The following MBOAT7 variants were observed in gnomAD, a reference collection of about 807,000 sequenced individuals.
MBOAT7 encodes the protein membrane-bound acylglycerophosphatidylinositol O-acyltransferase MBOAT7.
A neutral mutation model predicts 47.4 loss-of-function variants in MBOAT7; 40 were observed. That is an observed-to-expected ratio of 0.84 (90% confidence interval 0.66 to 1.10). MBOAT7 has a LOEUF of 1.10. Among genes scored for constraint, MBOAT7 ranks in the 50% least tolerant of loss-of-function variants. MBOAT7 has a pLI of 0.00. For synonymous variants in MBOAT7, 361 were observed against 292.0 expected, an observed-to-expected ratio of 1.24 and a Z score of -2.41; for missense variants, 680 against 655.6, an observed-to-expected ratio of 1.04 and a Z score of -0.41.
In MBOAT7 at chr19:54,174,294, C is replaced by G; in HGVS notation, c.1169G>C (p.Gly390Ala). ...ESALRGRLSP[G>A]GQKAWDWVHW... ...CACCCAGTCCCAGGCCTTCTGGCCCCCTGGGCTCAGCCGCCCCCGCAGGGC... is the reference window on the plus strand; with the variant it reads ...CACCCAGTCCCAGGCCTTCTGGCCCGCTGGGCTCAGCCGCCCCCGCAGGGC... Residue 390 changes from glycine (G) to alanine (A), a missense_variant, in exon 8 of 8, where the codon GGG becomes GCG. Transcript: ENST00000245615. The G allele has an allele frequency of 6.2e-7, 1 of 1,613,222 alleles. No individual in the cohort carries two copies. Among genetic ancestry groups the G allele is most frequent in the East Asian group, 2.2e-5 (1 of 44,868 alleles).
chr19:54,183,756 G>A, intron 4 of MBOAT7, 76 bp from the exon 5 acceptor site: 6 of 1,399,858 alleles, frequency 4.3e-6, no homozygotes, highest in East Asian at 2.8e-5. Flanking sequence ...TTGCGCGGCT[G>A]CCCTCGGCAG....
chr19:54,180,977 A>G lies in MBOAT7; in HGVS notation c.650T>C (p.Val217Ala). 1 of 1,569,990 alleles carries G rather than the reference A, an allele frequency of 6.4e-7. No homozygotes were observed. ...GCGGGCGTAGAAGGCGTCCTCGCGC[A>G]CGGCCTCCAGCGGGAAGAGGTGAGA... Reference protein sequence around the residue: ...LSSHLFPLEAVREDAFYARPL... With the variant: ...LSSHLFPLEAAREDAFYARPL... The change falls in exon 6 of 8, where the codon GTG (valine) becomes GCG (alanine). Residue 217 changes from valine to alanine, a missense_variant. Val to Ala is a moderately conservative substitution (Grantham distance 64). Coordinates refer to ENST00000245615, the MANE Select transcript of MBOAT7 (RefSeq NM_024298.5). The surrounding 1 kb of genome is among the most constrained non-coding windows in gnomAD (Gnocchi z 5.2).
Position 54,173,853 on chromosome 19 carries a change from G to C in MBOAT7, c.*191C>G, listed in dbSNP as rs2075985791. ...ACAATACTTTGATTTTGTAGGAGTGGAGGTGGCCTCTGGGCAGAGGGCAGG... is the reference window on the plus strand; with the variant it reads ...ACAATACTTTGATTTTGTAGGAGTGCAGGTGGCCTCTGGGCAGAGGGCAGG... On this transcript the variant is annotated 3_prime_UTR_variant, in exon 8 of 8. Coordinates refer to ENST00000245615, the MANE Select transcript of MBOAT7 (RefSeq NM_024298.5). 1 of 591,778 alleles carries C rather than the reference G, an allele frequency of 1.7e-6. No individual in the cohort carries two copies. Among genetic ancestry groups the C allele is most frequent in the Non-Finnish European group, 2.8e-6 (1 of 353,950 alleles). The allele number at this position is 591,778 out of a possible 1,614,324, so 36.7% of individuals were successfully genotyped here.
intron 7 of MBOAT7, chr19:54,178,189 C>T (rs995109311): frequency 6.6e-5 from 65 of 980,612 alleles, no homozygotes; most frequent in East Asian, 2.3e-4. Flanking sequence ...GGATTCCAGG[C>T]GTGAGCTGCC....
chr19:54,177,584 C>T (rs547407761), intron 7 of MBOAT7, among the ~76,000 whole-genome samples: 25 of 151,190 alleles, frequency 1.7e-4, no homozygotes, highest in African/African-American at 4.9e-4. Context: ...CATGAGCCAC[C>T]GTGCCCGGCC....
intron 1 of MBOAT7, 40 bp from the exon 2 acceptor site, chr19:54,188,551 T>G: frequency 6.5e-7 from 1 of 1,536,468 alleles, no homozygotes; most frequent in Middle Eastern, 1.7e-4. Context: ...AACCCAGGAA[T>G]CCAGGCCCCC....
intron 7 of MBOAT7, among the ~76,000 whole-genome samples, chr19:54,177,898 C>CTTT (rs2076152527): frequency 1.5e-4 from 8 of 54,062 alleles, no homozygotes; most frequent in Admixed American, 5.2e-4. Context: ...AGTTCTACTT[C>CTTT]TGTTTTTTTT....
At chr19:54,182,334 CAGA>C (rs1250489872) in intron 5 of MBOAT7, among the ~76,000 whole-genome samples, 1 of 151,988 alleles carries the variant, frequency 6.6e-6, no homozygotes, top group Non-Finnish European at 1.5e-5. Context: ...CAAATCTTTA[CAGA>C]TAGAAAGTCA....
rs753465461 is a variant in MBOAT7 at position 54,181,080 on chromosome 19, C to T, written c.547G>A (p.Gly183Arg). 3.8e-5 allele frequency: 56 copies of T among 1,478,148 alleles called. No individual in the cohort carries two copies. The highest frequency in any genetic ancestry group is 7.0e-5 in the African/African-American group (5 of 70,952). The allele number at this position is 1,478,148 out of a possible 1,614,324, so 91.6% of individuals were successfully genotyped here. Residue 183 changes from glycine (G) to arginine (R), a missense_variant, in exon 6 of 8, where the codon GGG becomes AGG. Transcript: ENST00000245615. ...YLDWLEQPFP[G>R]AVPSLRPLLR... Reference sequence around the variant, plus strand: ...AGGGGCCGCAGGCTGGGCACTGCCCCGGGGAAGGGCTGCTCCAGCCAGTCC... The same window carrying T: ...AGGGGCCGCAGGCTGGGCACTGCCCTGGGGAAGGGCTGCTCCAGCCAGTCC...
At position 54,187,265 on chromosome 19, in the gene MBOAT7, C is replaced by T. The variant is rs2076454561; in HGVS notation, c.229G>A (p.Ala77Thr). ...AACAGGAGATAGGAGAAAGTCCAGG[C>T]CAGAGCCAGGGCGTGGCAGGAGCTG... ...QPCSCHALALAWTFSYLLFFR... is the reference protein window; with the variant it reads ...QPCSCHALALTWTFSYLLFFR... Residue 77 changes from alanine to threonine, a missense_variant, in exon 4 of 8, where the codon GCC (alanine) becomes ACC (threonine). By Grantham distance (58) the Ala-to-Thr change is moderately conservative. Transcript: ENST00000245615. 2 of 1,610,586 alleles carry T rather than the reference C, an allele frequency of 1.2e-6. No individual in the cohort carries two copies. Among genetic ancestry groups the T allele is most frequent in the African/African-American group, 2.7e-5 (2 of 75,004 alleles).
chr19:54,176,277 T>C (rs1174760214), intron 7 of MBOAT7, among the ~76,000 whole-genome samples: 4 of 152,100 alleles, frequency 2.6e-5, no homozygotes, highest in Non-Finnish European at 5.9e-5. Context: ...ATGTCAGCCA[T>C]TGCACCTGGC....
chr19:54,174,269 C>T lies in MBOAT7; in HGVS notation c.1194G>A (p.Val398=), dbSNP rs774346357. 8.1e-6 allele frequency: 13 copies of T among 1,611,568 alleles called. No homozygotes were observed. Among genetic ancestry groups the T allele is most frequent in the East Asian group, 2.2e-5 (1 of 44,832 alleles). Reference sequence around the variant, plus strand: ...AGGCGCGCATCTTCAGGAACCAGTGCACCCAGTCCCAGGCCTTCTGGCCCC... The same window carrying T: ...AGGCGCGCATCTTCAGGAACCAGTGTACCCAGTCCCAGGCCTTCTGGCCCC... ...SPGGQKAWDW[V]HWFLKMRAYD... Residue 398 remains valine (V), a synonymous_variant, in exon 8 of 8, where the codon GTG becomes GTA. Coordinates refer to ENST00000245615, the MANE Select transcript of MBOAT7 (RefSeq NM_024298.5).
Position 54,178,192 on chromosome 19 carries a change from G to T in MBOAT7, c.1031+573C>A, listed in dbSNP as rs369173626. On this transcript the variant is annotated intron_variant, in intron 7 of 7. Transcript: ENST00000245615. ...CCCAAAGTGCTGGGATTCCAGGCGT[G>T]AGCTGCCGCACCCGGCTGAGTTTCT... 31 of 983,708 alleles carry T rather than the reference G, an allele frequency of 3.2e-5. 1 individual carries two copies. The South Asian group carries it at 1.3e-3, about 42-fold the overall frequency. The allele number at this position is 983,708 out of a possible 1,614,324, so 60.9% of individuals were successfully genotyped here.
chr19:54,184,433 T>C lies in MBOAT7; in HGVS notation c.334-753A>G, dbSNP rs116883889. Reference sequence around the variant, plus strand: ...TTCCCACCAGTCCCAAGGTCCACCCTATATCAATAGATCTCCTTCTTCCAG... The same window carrying C: ...TTCCCACCAGTCCCAAGGTCCACCCCATATCAATAGATCTCCTTCTTCCAG... On this transcript the variant is annotated intron_variant, in intron 4 of 7. Coordinates refer to ENST00000245615, the MANE Select transcript of MBOAT7 (RefSeq NM_024298.5). Among the ~76,000 whole-genome samples the C allele has an allele frequency of 2.4e-3, 360 of 152,232 alleles. 4 individuals carry two copies. The East Asian group carries it at 0.037, about 16-fold the overall frequency.
chr19:54,185,867 TG>T (rs995349456), intron 4 of MBOAT7, among the ~76,000 whole-genome samples: 2 of 151,040 alleles, frequency 1.3e-5, no homozygotes, highest in African/African-American at 4.9e-5. Context: ...GGCTCATTTT[TG>T]TATTTTTAGT....
In MBOAT7 at chr19:54,175,779, C is replaced by T. The variant is rs551588854; in HGVS notation, c.1032-1348G>A. 1.1e-4 allele frequency among the ~76,000 whole-genome samples: 16 copies of T among 152,244 alleles called. No individual in the cohort carries two copies. The South Asian group carries it at 2.5e-3, about 24-fold the overall frequency. On this transcript the variant is annotated intron_variant, in intron 7 of 7. Coordinates refer to ENST00000245615, the MANE Select transcript of MBOAT7 (RefSeq NM_024298.5). The stretch of plus-strand genomic sequence containing the variant: ...TCGCTCTGCCGCCCATGCTGGAGTG[C>T]AGTGGTGCAATCTCGGCTCACTGCA...
chr19:54,175,186 G>C (rs866373375), intron 7 of MBOAT7, among the ~76,000 whole-genome samples: 3 of 152,074 alleles, frequency 2.0e-5, no homozygotes, highest in Admixed American at 6.6e-5. Context: ...CACCGTGTTA[G>C]CCAGGATGGT....
intron 3 of MBOAT7, among the ~76,000 whole-genome samples, 179 bp downstream of exon 3, chr19:54,188,015 CAGAAAGAAAGAAAGAAAGAAAGA>C (rs2076483054): frequency 1.3e-5 from 1 of 78,320 alleles, no homozygotes; most frequent in African/African-American, 5.3e-5. Context: ...AACTCCATCT[CAGAAAGAAAGAAAGAAAGAAAGA>C]AAGAAAGAAA....
intron 7 of MBOAT7, 54 bp from the exon 8 acceptor site, chr19:54,174,485 T>C: frequency 6.8e-7 from 1 of 1,460,938 alleles, no homozygotes; most frequent in Non-Finnish European, 9.0e-7. Flanking sequence ...CAGTGCCCAC[T>C]GCCCCCAGAT....
Sources: gnomAD v4.1 joint callset for allele counts (sites outside exome capture counted in the v4.1 genomes callset) on GRCh38, gnomAD v4.1.1 for gene constraint, Gnocchi (gnomAD v3.1) non-coding constraint, MANE v1.5 for transcripts, NCBI Gene and HGNC (gene_info 2026-07-23, HGNC 2026-07-21) for gene names.